The following NLGN4X variants were observed in gnomAD, a reference collection of about 807,000 sequenced individuals.
The protein encoded by NLGN4X is neuroligin-4, X-linked.
In NLGN4X, 3 loss-of-function variants were observed where a neutral mutation model predicts 40.3. That is an observed-to-expected ratio of 0.07 (90% CI 0.03 to 0.19). The LOEUF (loss-of-function observed/expected upper bound fraction) is 0.19, where lower values mean the gene tolerates loss of function less well. NLGN4X is among the 10% of genes least tolerant of loss of function. The pLI is 1.00. For synonymous variants in NLGN4X, 270 were observed against 306.8 expected (o/e 0.88, Z 1.25); for missense variants, 382 against 708.3 (o/e 0.54, Z 5.23).
intron 1 of NLGN4X, among the ~76,000 whole-genome samples, chrX:6,198,894 C>T (rs5961952): frequency 0.1 from 11,319 of 111,054 alleles, 484 homozygotes; most frequent in South Asian, 0.17. Flanking sequence ...CAGGAAAATA[C>T]AAAGGTATTT....
At chrX:6,218,474 C>CCACACA (rs371223344) in intron 1 of NLGN4X, among the ~76,000 whole-genome samples, 44 of 46,984 alleles carry the variant, frequency 9.4e-4, no homozygotes, top group East Asian at 6.9e-3. Flanking sequence ...GAGATTAAAC[C>CCACACA]CACACACACA....
intron 2 of NLGN4X, among the ~76,000 whole-genome samples, chrX:6,042,040 T>G (rs888448078): frequency 8.9e-6 from 1 of 112,327 alleles, no homozygotes; most frequent in African/African-American, 3.2e-5. Flanking sequence ...CTGCCATTTG[T>G]CATTTCAAAA....
intron 3 of NLGN4X, among the ~76,000 whole-genome samples, chrX:6,019,705 C>T (rs760491601): frequency 8.1e-5 from 9 of 111,214 alleles, no homozygotes; most frequent in Admixed American, 1.9e-4. Context: ...AAAGAGGGCA[C>T]GTCAACCTCA....
intron 2 of NLGN4X, among the ~76,000 whole-genome samples, chrX:6,105,520 T>G (rs1350273384): frequency 1.8e-5 from 2 of 112,255 alleles, no homozygotes; most frequent in African/African-American, 6.5e-5. Context: ...TACTTTTCAG[T>G]ACTTAGAGAC....
At chrX:6,161,497 C>T (rs1050572934) in intron 1 of NLGN4X, among the ~76,000 whole-genome samples, 14 of 101,356 alleles carry the variant, frequency 1.4e-4, no homozygotes, top group African/African-American at 4.6e-4. Context: ...ATTCTATATA[C>T]ATAGAATAAT....
chrX:6,084,219 T>C (rs1477586685), intron 2 of NLGN4X, among the ~76,000 whole-genome samples: 1 of 112,518 alleles, frequency 8.9e-6, no homozygotes, highest in East Asian at 2.8e-4. Context: ...TCACTGGTCA[T>C]ACTTTAATGA....
intron 1 of NLGN4X, among the ~76,000 whole-genome samples, chrX:6,156,337 A>G (rs1325092595): frequency 3.6e-5 from 4 of 111,294 alleles, no homozygotes; most frequent in African/African-American, 1.3e-4. Flanking sequence ...GTGAAACCCC[A>G]TCTCTACTAA....
intron 3 of NLGN4X, among the ~76,000 whole-genome samples, chrX:5,979,969 ATATT>A (rs1283224919): frequency 2.8e-5 from 3 of 107,205 alleles, no homozygotes; most frequent in East Asian, 2.9e-4. Flanking sequence ...AGTATTTTAA[ATATT>A]TATTTTATTT....
chrX:6,135,794 G>A (rs1253528768), intron 2 of NLGN4X, among the ~76,000 whole-genome samples: 1 of 111,684 alleles, frequency 9.0e-6, no homozygotes, highest in Non-Finnish European at 1.9e-5. Flanking sequence ...CTCTAAGAAA[G>A]CCAAAGAAGA....
chrX:6,142,296 C>A lies in NLGN4X; in HGVS notation c.472+8699G>T, dbSNP rs1232439780. Reference sequence around the variant, plus strand: ...ATTCCAAACATATGTAATTTCTAAACCCTCAATAAGATTATTACTCAGTAT... The same window carrying A: ...ATTCCAAACATATGTAATTTCTAAAACCTCAATAAGATTATTACTCAGTAT... On this transcript the variant is annotated intron_variant, in intron 2 of 5. Coordinates refer to ENST00000381095, the MANE Select transcript of NLGN4X (RefSeq NM_181332.3). Among the ~76,000 whole-genome samples, 3 of 112,098 alleles carry A rather than the reference C, an allele frequency of 2.7e-5. No homozygotes were observed. The Admixed American group carries it at 2.9e-4, about 11-fold the overall frequency.
intron 3 of NLGN4X, among the ~76,000 whole-genome samples, chrX:6,001,254 T>C (rs377294957): frequency 1.8e-3 from 199 of 111,551 alleles, no homozygotes; most frequent in African/African-American, 6.2e-3. Flanking sequence ...CATATCACCA[T>C]GCCATCTAGT....
chrX:5,916,074 C>T (rs1334806430), intron 3 of NLGN4X, among the ~76,000 whole-genome samples: 1 of 111,684 alleles, frequency 9.0e-6, no homozygotes, highest in East Asian at 2.8e-4. Context: ...ACACCATCAA[C>T]ATCATCATGA....
At chrX:6,082,710 G>A (rs2147408590) in intron 2 of NLGN4X, among the ~76,000 whole-genome samples, 1 of 110,450 alleles carries the variant, frequency 9.1e-6, no homozygotes, top group African/African-American at 3.3e-5. Context: ...TGGAGAGTGG[G>A]GAGGAAGTCA....
chrX:5,997,616 A>ACACG (rs1491090537), intron 3 of NLGN4X, among the ~76,000 whole-genome samples: 5 of 15,807 alleles, frequency 3.2e-4, no homozygotes, highest in Admixed American at 2.1e-3. Flanking sequence ...ATATATACAC[A>ACACG]TATATATATA....
intron 2 of NLGN4X, among the ~76,000 whole-genome samples, chrX:6,058,014 T>C (rs748775753): frequency 2.3e-4 from 26 of 111,387 alleles, no homozygotes; most frequent in Non-Finnish European, 4.7e-4. Flanking sequence ...GGTACTGAAA[T>C]ATCATAAAAA....
At chrX:6,020,088 A>T (rs749655635) in intron 3 of NLGN4X, among the ~76,000 whole-genome samples, 1 of 111,896 alleles carries the variant, frequency 8.9e-6, no homozygotes, top group African/African-American at 3.2e-5. Flanking sequence ...CAGATGCCAG[A>T]TGATAATTTT....
intron 1 of NLGN4X, among the ~76,000 whole-genome samples, chrX:6,154,085 T>TG (rs1057271137): frequency 1.5e-4 from 17 of 112,109 alleles, no homozygotes; most frequent in Non-Finnish European, 2.6e-4. Flanking sequence ...TTCTTTGTTG[T>TG]GGGGGCGTCG....
rs751400421 is a variant in NLGN4X at position 6,086,498 on chromosome X, A to G, written c.473-57066T>C. Among the ~76,000 whole-genome samples the G allele has an allele frequency of 2.0e-3, 229 of 112,215 alleles. 1 individual carries two copies. The highest frequency in any genetic ancestry group is 3.4e-3 in the Non-Finnish European group (181 of 53,261). On this transcript the variant is annotated intron_variant, in intron 2 of 5. Transcript: ENST00000381095. The stretch of plus-strand genomic sequence containing the variant: ...ACAGCAGAACTTTTTGGAACTTCTG[A>G]GATTCCTTGCCTACATCTCAAAATT...
At chrX:6,209,944 C>T (rs893090208) in intron 1 of NLGN4X, among the ~76,000 whole-genome samples, 1 of 112,196 alleles carries the variant, frequency 8.9e-6, no homozygotes, top group Admixed American at 9.5e-5. Flanking sequence ...TCCAACTCCT[C>T]GGCTCAAGCC....
Sources: gnomAD v4.1 joint callset for allele counts (sites outside exome capture counted in the v4.1 genomes callset) on GRCh38, gnomAD v4.1.1 for gene constraint, MANE v1.5 for transcripts, NCBI Gene and HGNC (gene_info 2026-07-23, HGNC 2026-07-21) for gene names.